The following MYO1B variants were observed in gnomAD, a reference collection of about 807,000 sequenced individuals.
MYO1B encodes the protein unconventional myosin-Ib.
A neutral mutation model predicts 159.7 loss-of-function variants in MYO1B; 72 were observed. The ratio of observed to expected loss-of-function variants is 0.45; its 90% CI spans 0.37 to 0.55. MYO1B has a LOEUF of 0.55. Among genes scored for constraint, MYO1B ranks in the 20% least tolerant of loss-of-function variants. The pLI is 0.00. For synonymous variants in MYO1B, 468 were observed against 473.8 expected (o/e 0.99, Z 0.16); for missense variants, 1,062 against 1,364.8 (o/e 0.78, Z 3.50).
chr2:191,319,112 C>T (rs1263676429), intron 3 of MYO1B, among the ~76,000 whole-genome samples: 2 of 152,110 alleles, frequency 1.3e-5, no homozygotes, highest in Non-Finnish European at 2.9e-5. Flanking sequence ...TTGCTTTACC[C>T]ATTCTTGTGT....
intron 15 of MYO1B, 135 bp downstream of exon 15, chr2:191,383,477 C>CATATATATGTGTATATATATATATAT: frequency 2.4e-4 from 2 of 8,438 alleles, no homozygotes; most frequent in Non-Finnish European, 9.2e-4. Flanking sequence ...TATATATACA[C>CATATATATGTGTATATATATATATAT]ACACACATAT....
At chr2:191,253,562 G>A (rs1300254008) in intron 1 of MYO1B, among the ~76,000 whole-genome samples, 1 of 135,514 alleles carries the variant, frequency 7.4e-6, no homozygotes, top group Non-Finnish European at 1.6e-5. Flanking sequence ...GAACTTAACT[G>A]TTTCACAACT....
chr2:191,381,423 G>A, intron 13 of MYO1B, 39 bp from the exon 14 acceptor site: 2 of 1,386,824 alleles, frequency 1.4e-6, no homozygotes. Context: ...AGAGCTAGTG[G>A]CATGGTTTAT....
At chr2:191,370,148 T>C in intron 12 of MYO1B, 79 bp from the exon 13 acceptor site, 1 of 883,816 alleles carries the variant, frequency 1.1e-6, no homozygotes, top group Non-Finnish European at 1.8e-6. Flanking sequence ...TAATTTGTAA[T>C]ATATATCTAT....
intron 2 of MYO1B, among the ~76,000 whole-genome samples, chr2:191,289,075 G>A (rs1366215264): frequency 2.0e-5 from 3 of 152,198 alleles, no homozygotes; most frequent in Non-Finnish European, 1.5e-5. Flanking sequence ...CTTTTCTGGT[G>A]AGAGCAAACA....
chr2:191,356,836 C>T (rs570245019), intron 7 of MYO1B, among the ~76,000 whole-genome samples: 2 of 152,248 alleles, frequency 1.3e-5, no homozygotes, highest in East Asian at 3.9e-4. Flanking sequence ...TATCCTTTTG[C>T]TTTACTGAAG....
At position 191,423,838 on chromosome 2, in the gene MYO1B, T is replaced by G; in HGVS notation, c.3289T>G (p.Phe1097Val). 2 of 1,606,538 alleles carry G rather than the reference T, an allele frequency of 1.2e-6. No individual in the cohort carries two copies. The change falls in exon 31 of 31, where the codon TTC becomes GTC. Residue 1097 changes from phenylalanine (F) to valine (V), a missense_variant and splice_region_variant. By Grantham distance (50) the Phe-to-Val change is conservative. Transcript: ENST00000392318. ...ATTTGTTTTATTCTTTTCTCCTAGGTTCCTGGTACAGTTCAGACAGGACAA... is the reference window on the plus strand; with the variant it reads ...ATTTGTTTTATTCTTTTCTCCTAGGGTCCTGGTACAGTTCAGACAGGACAA... The part of the protein sequence containing the change: ...QKLNIEISDE[F>V]LVQFRQDKVC...
chr2:191,286,986 G>A (rs1688412300), intron 2 of MYO1B, among the ~76,000 whole-genome samples: 1 of 152,288 alleles, frequency 6.6e-6, no homozygotes, highest in African/African-American at 2.4e-5. Flanking sequence ...AGACGCTGGT[G>A]TGGTAGGACT....
rs1574562896 is a variant in MYO1B at position 191,382,866 on chromosome 2, A to G, written c.1291-414A>G. ...AAAATTAATTTTTTTCCTTATGATT[A>G]CAGATTCAGAACAGAAGAATCTAGG... On this transcript the variant is annotated intron_variant, in intron 14 of 30. Coordinates refer to ENST00000392318, the MANE Select transcript of MYO1B (RefSeq NM_001130158.3). 2.0e-5 allele frequency among the ~76,000 whole-genome samples: 3 copies of G among 152,318 alleles called. No homozygotes were observed. In the South Asian group the frequency reaches 6.2e-4, roughly 32 times the overall value.
At chr2:191,321,982 T>C (rs1029385472) in intron 3 of MYO1B, among the ~76,000 whole-genome samples, 3 of 152,158 alleles carry the variant, frequency 2.0e-5, no homozygotes, top group African/African-American at 7.2e-5. Flanking sequence ...TGCTTCCACA[T>C]ACTCTTCCAT....
chr2:191,411,596 G>A (rs1267208407), intron 27 of MYO1B, among the ~76,000 whole-genome samples: 1 of 152,200 alleles, frequency 6.6e-6, no homozygotes, highest in African/African-American at 2.4e-5. Context: ...TTATTTGTAA[G>A]GTAAATGAAA....
At chr2:191,286,147 C>T (rs1255268575) in intron 2 of MYO1B, among the ~76,000 whole-genome samples, 1 of 152,110 alleles carries the variant, frequency 6.6e-6, no homozygotes, top group African/African-American at 2.4e-5. Context: ...ATTGCATATG[C>T]ATCACAAATA....
chr2:191,245,524 GGGAGCCCC>G lies in MYO1B; in HGVS notation c.-110_-103del, dbSNP rs1009490734. The stretch of plus-strand genomic sequence containing the variant: ...ACAGCCTTGGCAGAACAGCCGCGGC[GGGAGCCCC>G]GCAGCCCCGGGCTGGGCCCGCGTCC... On this transcript the variant is annotated 5_prime_UTR_variant, in exon 1 of 31. Coordinates refer to ENST00000392318, the MANE Select transcript of MYO1B (RefSeq NM_001130158.3). The G allele has an allele frequency of 6.6e-6, 1 of 152,112 alleles. No homozygotes were observed. 9.4% of individuals were successfully genotyped at this position (152,112 alleles called of 1,614,324 possible). A position where few individuals can be genotyped will look rare whatever the true frequency, so the allele number is the denominator to read the frequency against.
chr2:191,364,551 G>A (rs574880313), intron 11 of MYO1B, among the ~76,000 whole-genome samples: 6 of 152,336 alleles, frequency 3.9e-5, no homozygotes, highest in Non-Finnish European at 8.8e-5. Context: ...GAGAGCAACA[G>A]TAGAGCAGAG....
At chr2:191,386,893 G>A (rs12469698) in intron 16 of MYO1B, among the ~76,000 whole-genome samples, 124,468 of 152,100 alleles carry the variant, frequency 0.82, 54,679 homozygotes, top group Non-Finnish European at 0.98. Context: ...GAATTGGTAT[G>A]TGAGAACTAA....
intron 8 of MYO1B, among the ~76,000 whole-genome samples, chr2:191,361,446 G>A (rs907263666): frequency 6.6e-6 from 1 of 151,988 alleles, no homozygotes; most frequent in African/African-American, 2.4e-5. Context: ...ATAGCTAATA[G>A]CTAATGATGA....
intron 1 of MYO1B, among the ~76,000 whole-genome samples, chr2:191,253,103 T>C (rs1201331006): frequency 6.6e-6 from 1 of 152,166 alleles, no homozygotes; most frequent in African/African-American, 2.4e-5. Flanking sequence ...CCCATAAAGT[T>C]GGTAAATGTT....
chr2:191,266,809 A>G (rs1467828474), intron 1 of MYO1B, among the ~76,000 whole-genome samples: 3 of 151,980 alleles, frequency 2.0e-5, no homozygotes, highest in Non-Finnish European at 4.4e-5. Flanking sequence ...CCATGTTGTT[A>G]TAGCAGCCGC....
At chr2:191,412,412 G>C (rs1347219317) in intron 27 of MYO1B, among the ~76,000 whole-genome samples, 1 of 152,174 alleles carries the variant, frequency 6.6e-6, no homozygotes, top group African/African-American at 2.4e-5. Context: ...TTAAAACACA[G>C]TTGAATAGGA....
Sources: gnomAD v4.1 joint callset for allele counts (sites outside exome capture counted in the v4.1 genomes callset) on GRCh38, gnomAD v4.1.1 for gene constraint, MANE v1.5 for transcripts, NCBI Gene and HGNC (gene_info 2026-07-23, HGNC 2026-07-21) for gene names.